Variants in YIPF4 observed in about 807,000 individuals in gnomAD.
YIPF4 encodes Yip1 domain family member 4.
YIPF4 carries 18 observed loss-of-function variants against 29.4 expected under a neutral mutation model. That is an observed-to-expected ratio of 0.61 (90% confidence interval 0.42 to 0.91). YIPF4 has a LOEUF of 0.91. YIPF4 is among the 40% of genes least tolerant of loss of function. YIPF4 has a pLI of 0.00. For missense variants in YIPF4, 279 were observed against 282.7 expected (o/e 0.99, Z 0.09); for synonymous variants, 115 against 104.7 (o/e 1.10, Z -0.60).
At chr2:32,280,177 G>T (rs1279936392) in intron 1 of YIPF4, among the ~76,000 whole-genome samples, 1 of 151,568 alleles carries the variant, frequency 6.6e-6, no homozygotes, top group Non-Finnish European at 1.5e-5. Context: ...ACCCAGGCTG[G>T]AGTGCAGTGG....
chr2:32,288,864 G>A (rs1573529788), intron 1 of YIPF4, among the ~76,000 whole-genome samples: 1 of 152,064 alleles, frequency 6.6e-6, no homozygotes, highest in East Asian at 1.9e-4. Context: ...CAACTCAGGA[G>A]GCTGGGGCAG....
chr2:32,296,061 G>A (rs914951431), intron 3 of YIPF4, among the ~76,000 whole-genome samples: 1 of 152,166 alleles, frequency 6.6e-6, no homozygotes, highest in Admixed American at 6.5e-5. Context: ...ATGTTAAAGT[G>A]TTGCAAAGAC....
Position 32,315,263 on chromosome 2 carries a change from C to T in YIPF4, c.*9637C>T, listed in dbSNP as rs895898393. On this transcript the variant is annotated 3_prime_UTR_variant, in exon 6 of 6. Coordinates refer to ENST00000238831, the MANE Select transcript of YIPF4 (RefSeq NM_032312.4). The stretch of plus-strand genomic sequence containing the variant: ...TTATTTAAAATCTCTGGAAGCCCCA[C>T]TTAGTGGCTTCCATCCATGTCTCAT... 2.0e-5 allele frequency: 3 copies of T among 152,162 alleles called. No individual in the cohort carries two copies. The highest frequency in any genetic ancestry group is 7.2e-5 in the African/African-American group (3 of 41,440). 9.4% of individuals were successfully genotyped at this position (152,162 alleles called of 1,614,324 possible).
At chr2:32,298,394 C>T (rs1227879904) in intron 4 of YIPF4, 83 bp downstream of exon 4, 2 of 1,034,482 alleles carry the variant, frequency 1.9e-6, no homozygotes, top group East Asian at 2.4e-5. Flanking sequence ...ATTAGCTATA[C>T]AAGAAACTTT....
rs1176894381 is a variant in YIPF4, at chr2:32,306,529, C to T, written c.*903C>T. On this transcript the variant is annotated 3_prime_UTR_variant, in exon 6 of 6. Coordinates refer to ENST00000238831, the MANE Select transcript of YIPF4 (RefSeq NM_032312.4). Reference sequence around the variant, plus strand: ...ACCTTTAAAATCTTGTGGTGTTGAACAATGTTATATGAAGTAGAAAAAATA... The same window carrying T: ...ACCTTTAAAATCTTGTGGTGTTGAATAATGTTATATGAAGTAGAAAAAATA... The T allele has an allele frequency of 1.0e-6, 1 of 984,620 alleles. No individual in the cohort carries two copies. The highest frequency in any genetic ancestry group is 1.2e-6 in the Non-Finnish European group (1 of 829,476). 61.0% of individuals were successfully genotyped at this position (984,620 alleles called of 1,614,324 possible). A position where few individuals can be genotyped will look rare whatever the true frequency, so the allele number is the denominator to read the frequency against.
intron 1 of YIPF4, among the ~76,000 whole-genome samples, chr2:32,284,316 A>G (rs2030561188): frequency 6.6e-6 from 1 of 152,170 alleles, no homozygotes; most frequent in African/African-American, 2.4e-5. Flanking sequence ...AGTCTGCAGG[A>G]TCAAGGAAAA....
intron 1 of YIPF4, among the ~76,000 whole-genome samples, chr2:32,280,329 A>G (rs1156459989): frequency 1.3e-5 from 2 of 149,014 alleles, no homozygotes; most frequent in Non-Finnish European, 3.0e-5. Flanking sequence ...ACGGGGTTTC[A>G]CTGTGTTAGC....
At chr2:32,279,975 T>A (rs1428269072) in intron 1 of YIPF4, among the ~76,000 whole-genome samples, 2 of 148,200 alleles carry the variant, frequency 1.3e-5, no homozygotes, top group African/African-American at 5.0e-5. Flanking sequence ...TAGCTTACTA[T>A]AACCTCAAAT....
At chr2:32,296,278 C>T (rs977026669) in intron 3 of YIPF4, among the ~76,000 whole-genome samples, 5 of 152,060 alleles carry the variant, frequency 3.3e-5, no homozygotes, top group African/African-American at 1.2e-4. Context: ...TCAAGACCAG[C>T]CTGGCCAACA....
chr2:32,282,900 C>A (rs1278516473), intron 1 of YIPF4, among the ~76,000 whole-genome samples: 2 of 151,748 alleles, frequency 1.3e-5, no homozygotes, highest in Non-Finnish European at 2.9e-5. Context: ...CAAGGTGAAA[C>A]CCAGTCTCTA....
In YIPF4 at chr2:32,293,996, T is replaced by TC. The variant is rs1157207446; in HGVS notation, c.405+1654dup. Among the ~76,000 whole-genome samples the TC allele has an allele frequency of 3.0e-5, 3 of 98,632 alleles. No homozygotes were observed. In the East Asian group the frequency reaches 9.8e-4, roughly 32 times the overall value. 64.7% of individuals were successfully genotyped at this position (98,632 alleles called of 152,430 possible). On this transcript the variant is annotated intron_variant, in intron 3 of 5. Coordinates refer to ENST00000238831, the MANE Select transcript of YIPF4 (RefSeq NM_032312.4). ...GGCGGCTGGCTGGGCAGGGGGCTGATCCCCCCACCTCCCTCCCGGACAGGG... is the reference window on the plus strand; with the variant it reads ...GGCGGCTGGCTGGGCAGGGGGCTGATCCCCCCCACCTCCCTCCCGGACAGGG...
intron 3 of YIPF4, among the ~76,000 whole-genome samples, chr2:32,294,331 G>A (rs538405858): frequency 4.7e-5 from 7 of 150,464 alleles, no homozygotes; most frequent in African/African-American, 1.5e-4. Context: ...CCGGGCGGAC[G>A]GGCTCCTCAC....
At chr2:32,279,104 G>T (rs1027743201) in intron 1 of YIPF4, among the ~76,000 whole-genome samples, 5 of 150,318 alleles carry the variant, frequency 3.3e-5, no homozygotes, top group Non-Finnish European at 7.4e-5. Flanking sequence ...AGTAGCTGGG[G>T]CTACAGGCAC....
chr2:32,294,858 A>C (rs1261203643), intron 3 of YIPF4, among the ~76,000 whole-genome samples: 1 of 152,252 alleles, frequency 6.6e-6, no homozygotes, highest in Non-Finnish European at 1.5e-5. Context: ...CGTGGTTAGG[A>C]GCTGGAGACC....
At chr2:32,282,693 A>C (rs2030479388) in intron 1 of YIPF4, among the ~76,000 whole-genome samples, 1 of 151,940 alleles carries the variant, frequency 6.6e-6, no homozygotes, top group Non-Finnish European at 1.5e-5. Context: ...CAGCTTCCCA[A>C]AGTGCTGGGA....
intron 3 of YIPF4, among the ~76,000 whole-genome samples, chr2:32,293,584 C>A (rs980765003): frequency 6.6e-6 from 1 of 152,262 alleles, no homozygotes; most frequent in African/African-American, 2.4e-5. Context: ...TCATCGTGGC[C>A]CGTTCTCAAT....
chr2:32,292,741 G>A (rs889652708), intron 3 of YIPF4, among the ~76,000 whole-genome samples: 9 of 151,746 alleles, frequency 5.9e-5, no homozygotes, highest in Non-Finnish European at 1.2e-4. Context: ...GTGCACGCCT[G>A]TAATCCCAGC....
intron 5 of YIPF4, 134 bp from the exon 6 acceptor site, chr2:32,305,355 C>T (rs1573544851): frequency 1.9e-6 from 2 of 1,032,856 alleles, no homozygotes; most frequent in Non-Finnish European, 2.6e-6. Context: ...ACATTTGTAA[C>T]AAGTTTTACT....
intron 4 of YIPF4, among the ~76,000 whole-genome samples, chr2:32,298,732 A>G (rs1573539494): frequency 6.6e-6 from 1 of 150,872 alleles, no homozygotes; most frequent in Admixed American, 6.6e-5. Context: ...CTAATTTTTG[A>G]ATTTTTAGTA....
Sources: gnomAD v4.1 joint callset for allele counts (sites outside exome capture counted in the v4.1 genomes callset) on GRCh38, gnomAD v4.1.1 for gene constraint, MANE v1.5 for transcripts, NCBI Gene and HGNC (gene_info 2026-07-23, HGNC 2026-07-21) for gene names.